MDFIC: variants seen among roughly 807,000 people sequenced by gnomAD.
MDFIC encodes MyoD family inhibitor domain containing.
MDFIC carries 17 observed loss-of-function variants against 23.2 expected under a neutral mutation model. The ratio of observed to expected loss-of-function variants is 0.73; its 90% confidence interval spans 0.50 to 1.10. The LOEUF (loss-of-function observed/expected upper bound fraction) is 1.10. Ranked by LOEUF, MDFIC falls within the 50% of genes least tolerant of loss-of-function variation. MDFIC has a pLI of 0.00. For missense variants in MDFIC, 356 were observed against 316.6 expected, an observed-to-expected ratio of 1.12 and a Z score of -0.95; for synonymous variants, 120 against 115.2, an observed-to-expected ratio of 1.04 and a Z score of -0.27.
chr7:114,937,987 C>A (rs975284413), intron 2 of MDFIC, among the ~76,000 whole-genome samples: 1 of 152,054 alleles, frequency 6.6e-6, no homozygotes. Flanking sequence ...TGGGATTTCG[C>A]TCTTGTTGCC....
At chr7:114,993,416 C>CTTCTCTAG (rs1791235340) in intron 4 of MDFIC, among the ~76,000 whole-genome samples, 1 of 152,134 alleles carries the variant, frequency 6.6e-6, no homozygotes, top group Admixed American at 6.6e-5. Context: ...TTTGCTCTTG[C>CTTCTCTAG]TTCTCTAGTT....
intron 4 of MDFIC, among the ~76,000 whole-genome samples, chr7:114,997,999 C>T (rs1791376123): frequency 6.6e-6 from 1 of 152,022 alleles, no homozygotes; most frequent in African/African-American, 2.4e-5. Context: ...AGACTTTCTA[C>T]CTAAGAAAAT....
intron 3 of MDFIC, among the ~76,000 whole-genome samples, chr7:114,961,647 C>G (rs1251678214): frequency 1.3e-5 from 2 of 152,114 alleles, no homozygotes; most frequent in Non-Finnish European, 2.9e-5. Flanking sequence ...AGAAAACTCA[C>G]AATCATGGTG....
chr7:114,970,169 T>A (rs1793180602), intron 3 of MDFIC, among the ~76,000 whole-genome samples: 1 of 152,224 alleles, frequency 6.6e-6, no homozygotes, highest in South Asian at 2.1e-4. Flanking sequence ...TGAAGGATTA[T>A]CTGTTAAGAA....
intron 3 of MDFIC, among the ~76,000 whole-genome samples, chr7:114,952,234 C>T (rs1792792261): frequency 6.6e-6 from 1 of 152,204 alleles, no homozygotes; most frequent in South Asian, 2.1e-4. Flanking sequence ...AAACAATCGC[C>T]ATGGGCAAGC....
intron 3 of MDFIC, among the ~76,000 whole-genome samples, chr7:114,951,033 A>G (rs1792758675): frequency 6.6e-6 from 1 of 152,114 alleles, no homozygotes; most frequent in Non-Finnish European, 1.5e-5. Flanking sequence ...ACACAAAAAA[A>G]TCATTAGCCA....
At chr7:115,014,247 A>T (rs1585125411) in intron 4 of MDFIC, 1 of 985,380 alleles carries the variant, frequency 1.0e-6, no homozygotes, top group Non-Finnish European at 1.2e-6. Flanking sequence ...ATGCTTAGGG[A>T]TAGGCCTGCA....
intron 3 of MDFIC, among the ~76,000 whole-genome samples, chr7:114,956,544 T>G (rs1223813210): frequency 1.3e-5 from 2 of 152,146 alleles, no homozygotes; most frequent in East Asian, 3.8e-4. Context: ...ATATGCATTT[T>G]CCTTCTGCAG....
chr7:114,926,261 C>A (rs572096166), intron 2 of MDFIC, among the ~76,000 whole-genome samples: 1 of 152,106 alleles, frequency 6.6e-6, no homozygotes, highest in Non-Finnish European at 1.5e-5. Context: ...TAATCCAACC[C>A]GCTCATTTTT....
chr7:114,972,318 A>C (rs528256997), intron 3 of MDFIC, among the ~76,000 whole-genome samples: 6 of 152,282 alleles, frequency 3.9e-5, no homozygotes, highest in African/African-American at 9.6e-5. Context: ...TCCTGATACA[A>C]AGGTGATCAA....
chr7:114,967,737 A>G (rs1421031420), intron 3 of MDFIC, among the ~76,000 whole-genome samples: 2 of 151,886 alleles, frequency 1.3e-5, no homozygotes, highest in South Asian at 2.1e-4. Flanking sequence ...ACCTTGAGAG[A>G]TTTAGTGGGT....
At chr7:114,982,797 G>T (rs986291455) in intron 4 of MDFIC, among the ~76,000 whole-genome samples, 1 of 152,214 alleles carries the variant, frequency 6.6e-6, no homozygotes, top group Non-Finnish European at 1.5e-5. Context: ...AGATCAAGGT[G>T]CTGGCAGGTT....
chr7:114,958,202 C>T (rs34588573), intron 3 of MDFIC, among the ~76,000 whole-genome samples: 3,926 of 152,254 alleles, frequency 0.026, 97 homozygotes, highest in South Asian at 0.11. Flanking sequence ...ACTGTTCTTG[C>T]AGAGCTTAAT....
chr7:114,941,188 A>G (rs913465795), intron 2 of MDFIC, among the ~76,000 whole-genome samples: 3 of 152,250 alleles, frequency 2.0e-5, no homozygotes, highest in African/African-American at 7.2e-5. Context: ...AAGTGAAGCC[A>G]GAACTGAGAA....
Position 114,931,733 on chromosome 7 carries a change from G to C in MDFIC, c.94+8606G>C, listed in dbSNP as rs574506233. On this transcript the variant is annotated intron_variant, in intron 2 of 4. Coordinates refer to ENST00000393486, the MANE Select transcript of MDFIC (RefSeq NM_001166345.3). ...AGAGGTTGAGAGAGGATTTCAGGAT[G>C]GCGAGAAGGAATCAGTTTTGTCTAA... Among the ~76,000 whole-genome samples, 3 of 152,334 alleles carry C rather than the reference G, an allele frequency of 2.0e-5. No homozygotes were observed. The South Asian group carries it at 6.2e-4, about 32-fold the overall frequency.
chr7:114,945,336 A>G (rs1563138905), intron 3 of MDFIC, among the ~76,000 whole-genome samples: 2 of 152,216 alleles, frequency 1.3e-5, no homozygotes. Context: ...GTGTATTCTC[A>G]GGCCTCATAA....
chr7:114,952,137 G>T (rs1187620351), intron 3 of MDFIC, among the ~76,000 whole-genome samples: 2 of 152,182 alleles, frequency 1.3e-5, no homozygotes, highest in Admixed American at 6.5e-5. Flanking sequence ...CAAATTCCAA[G>T]AATTCAGGAA....
At chr7:114,953,541 A>G (rs1353190933) in intron 3 of MDFIC, among the ~76,000 whole-genome samples, 4 of 152,202 alleles carry the variant, frequency 2.6e-5, no homozygotes, top group Non-Finnish European at 5.9e-5. Flanking sequence ...CAGGTGTCAC[A>G]GAAAATCAAA....
intron 2 of MDFIC, among the ~76,000 whole-genome samples, chr7:114,927,747 G>A (rs1792222396): frequency 6.6e-6 from 1 of 152,098 alleles, no homozygotes; most frequent in Admixed American, 6.5e-5. Context: ...TGGACTTTTA[G>A]AGCCTGGATT....
Sources: allele counts gnomAD v4.1 joint callset (sites outside exome capture counted in the v4.1 genomes callset), GRCh38; gene constraint gnomAD v4.1.1; transcripts MANE v1.5; gene names NCBI Gene and HGNC (gene_info 2026-07-23, HGNC 2026-07-21).